Variants in CRKL observed in about 807,000 individuals in gnomAD.
CRKL encodes the protein crk-like protein.
Under a neutral mutation model 23.0 loss-of-function variants are expected in CRKL, and 3 were observed. The observed-to-expected ratio is 0.13, with a 90% CI of 0.06 to 0.34. The LOEUF is 0.34. CRKL is among the 10% of genes least tolerant of loss of function. The pLI, the probability that CRKL is intolerant of heterozygous loss-of-function variation, is 1.00. For missense variants in CRKL, 256 were observed against 394.5 expected (o/e 0.65, Z 2.97); for synonymous variants, 188 against 160.7 (o/e 1.17, Z -1.28).
At chr22:20,933,738 G>T in intron 1 of CRKL, 41 bp from the exon 2 acceptor site, 1 of 1,530,366 alleles carries the variant, frequency 6.5e-7, no homozygotes, top group East Asian at 2.3e-5. Flanking sequence ...CTGGCTTAGA[G>T]TAAGATTTTT....
At chr22:20,929,487 G>A (rs1184485507) in intron 1 of CRKL, among the ~76,000 whole-genome samples, 6 of 150,442 alleles carry the variant, frequency 4.0e-5, no homozygotes, top group South Asian at 2.1e-4. Context: ...TTTTTGAGAC[G>A]GAATCTCTGT....
chr22:20,932,442 C>G lies in CRKL; in HGVS notation c.312-1337C>G, dbSNP rs144828322. Among the ~76,000 whole-genome samples the G allele has an allele frequency of 2.9e-4, 44 of 151,990 alleles. No homozygotes were observed. In the East Asian group the frequency reaches 6.6e-3, roughly 23 times the overall value. On this transcript the variant is annotated intron_variant, in intron 1 of 2. Coordinates refer to ENST00000354336, the MANE Select transcript of CRKL (RefSeq NM_005207.4). ...GCAAGTCTGTAAGCCCTTTTTTGTT[C>G]CTTTTTTTTCAAGAGGCCAGAGGCA...
At chr22:20,927,381 G>A (rs1921259171) in intron 1 of CRKL, among the ~76,000 whole-genome samples, 1 of 149,140 alleles carries the variant, frequency 6.7e-6, no homozygotes, top group African/African-American at 2.5e-5. Flanking sequence ...AGTAGAGATG[G>A]GGTTTCACCA....
At chr22:20,935,362 C>CT (rs1456832285) in intron 2 of CRKL, among the ~76,000 whole-genome samples, 1 of 152,078 alleles carries the variant, frequency 6.6e-6, no homozygotes, top group Non-Finnish European at 1.5e-5. Flanking sequence ...ATCTGCCTGC[C>CT]TTGGCCTCCC....
chr22:20,943,824 C>T (rs993000122), intron 2 of CRKL, among the ~76,000 whole-genome samples: 4 of 64,464 alleles, frequency 6.2e-5, no homozygotes, highest in East Asian at 7.1e-4. Flanking sequence ...GAGACTCCCA[C>T]GTGTTAAAAA....
Position 20,950,225 on chromosome 22 carries a change from T to C in CRKL, c.*380T>C, listed in dbSNP as rs1401886230. 4.0e-6 allele frequency: 1 copy of C among 249,560 alleles called. No individual in the cohort carries two copies. The highest frequency in any genetic ancestry group is 7.7e-6 in the Non-Finnish European group (1 of 129,958). 15.5% of individuals were successfully genotyped at this position (249,560 alleles called of 1,614,324 possible). A position where few individuals can be genotyped will look rare whatever the true frequency, so the allele number is the denominator to read the frequency against. The stretch of plus-strand genomic sequence containing the variant: ...CCATGGCGAGATACTGCATGTTTGC[T>C]GTTCCACAAAGCAGTGGCTTAGCTG... On this transcript the variant is annotated 3_prime_UTR_variant, in exon 3 of 3. Transcript: ENST00000354336.
chr22:20,924,672 C>T lies in CRKL; in HGVS notation c.311+6427C>T, dbSNP rs548347639. Among the ~76,000 whole-genome samples, 6 of 151,070 alleles carry T rather than the reference C, an allele frequency of 4.0e-5. No individual in the cohort carries two copies. In the East Asian group the frequency reaches 5.9e-4, roughly 15 times the overall value. On this transcript the variant is annotated intron_variant, in intron 1 of 2. Transcript: ENST00000354336. ...GAGTTTGAGACCAGCCTGGGCAACA[C>T]GGTGAAACCCTGTCTCTACTAAAAT...
At chr22:20,919,111 G>A (rs1929796409) in intron 1 of CRKL, among the ~76,000 whole-genome samples, 1 of 151,962 alleles carries the variant, frequency 6.6e-6, no homozygotes, top group Admixed American at 6.6e-5. Flanking sequence ...AAATGCTTTA[G>A]CGTTTAGAAA....
chr22:20,946,559 TTGA>T (rs1010512936), intron 2 of CRKL, among the ~76,000 whole-genome samples: 2 of 152,164 alleles, frequency 1.3e-5, no homozygotes, highest in African/African-American at 4.8e-5. Context: ...TCTTAATCTG[TTGA>T]TAAGGTCAGC....
chr22:20,917,791 A>T lies in CRKL; in HGVS notation c.-144A>T, dbSNP rs1028346861. 1.3e-6 allele frequency: 1 copy of T among 775,924 alleles called. No homozygotes were observed. The highest frequency in any genetic ancestry group is 1.8e-5 in the African/African-American group (1 of 56,570). 48.1% of individuals were successfully genotyped at this position (775,924 alleles called of 1,614,324 possible). A position where few individuals can be genotyped will look rare whatever the true frequency, so the allele number is the denominator to read the frequency against. On this transcript the variant is annotated 5_prime_UTR_variant, in exon 1 of 3. Coordinates refer to ENST00000354336, the MANE Select transcript of CRKL (RefSeq NM_005207.4). ...TGCTGCGGGCCCGGAGCCGAGAGGA[A>T]AGTGCTGGCCCAGCCCTCTGAGCGC...
intron 1 of CRKL, among the ~76,000 whole-genome samples, chr22:20,920,723 C>G (rs1260342501): frequency 6.6e-6 from 1 of 152,046 alleles, no homozygotes; most frequent in African/African-American, 2.4e-5. Flanking sequence ...CTTCCTTACT[C>G]ATACCTTTGT....
chr22:20,920,174 G>T (rs1399404635), intron 1 of CRKL, among the ~76,000 whole-genome samples: 1 of 152,122 alleles, frequency 6.6e-6, no homozygotes, highest in Non-Finnish European at 1.5e-5. Flanking sequence ...TGCTTATGTT[G>T]AGGTCATGAG....
At chr22:20,942,117 A>G (rs1385488211) in intron 2 of CRKL, among the ~76,000 whole-genome samples, 1 of 152,242 alleles carries the variant, frequency 6.6e-6, no homozygotes, top group African/African-American at 2.4e-5. Flanking sequence ...CCAACTATCT[A>G]CCTTCTGTCT....
At chr22:20,941,743 G>A (rs953771141) in intron 2 of CRKL, among the ~76,000 whole-genome samples, 6 of 150,830 alleles carry the variant, frequency 4.0e-5, no homozygotes, top group East Asian at 3.9e-4. Context: ...ACAGGTGCCC[G>A]CCACCAGGCC....
chr22:20,937,383 T>C (rs1010561614), intron 2 of CRKL, among the ~76,000 whole-genome samples: 2 of 151,072 alleles, frequency 1.3e-5, no homozygotes, highest in African/African-American at 4.9e-5. Context: ...TTGAGAACCT[T>C]GAAAGTCGAG....
At chr22:20,949,580 T>TAACA in intron 2 of CRKL, 131 bp from the exon 3 acceptor site, 1 of 1,253,706 alleles carries the variant, frequency 8.0e-7, no homozygotes, top group Non-Finnish European at 1.1e-6. Flanking sequence ...CCAGCATGGC[T>TAACA]AACAGAGTGA....
chr22:20,932,519 A>G (rs926764592), intron 1 of CRKL, among the ~76,000 whole-genome samples: 1 of 152,050 alleles, frequency 6.6e-6, no homozygotes, highest in Non-Finnish European at 1.5e-5. Context: ...GATGTAAGCC[A>G]TAGATTAGGA....
At chr22:20,941,859 A>G (rs1234068051) in intron 2 of CRKL, among the ~76,000 whole-genome samples, 1 of 151,846 alleles carries the variant, frequency 6.6e-6, no homozygotes, top group Non-Finnish European at 1.5e-5. Flanking sequence ...AGAAAAAAAT[A>G]TTTTTAAAAG....
At chr22:20,944,757 T>TC (rs2147914336) in intron 2 of CRKL, among the ~76,000 whole-genome samples, 1 of 151,986 alleles carries the variant, frequency 6.6e-6, no homozygotes, top group Admixed American at 6.5e-5. Flanking sequence ...TTTTTTTTTT[T>TC]TCTTCTTGGA....
Sources: allele counts gnomAD v4.1 joint callset (sites outside exome capture counted in the v4.1 genomes callset), GRCh38; gene constraint gnomAD v4.1.1; transcripts MANE v1.5; gene names NCBI Gene and HGNC (gene_info 2026-07-23, HGNC 2026-07-21).